The following LYSMD4 variants were observed in gnomAD, a reference collection of about 807,000 sequenced individuals.
LYSMD4 encodes the protein LysM domain containing 4.
In LYSMD4, 9 loss-of-function variants were observed where a neutral mutation model predicts 6.1. The ratio of observed to expected loss-of-function variants is 1.47; its 90% CI spans 0.88 to 2.56. The LOEUF (loss-of-function observed/expected upper bound fraction) is 2.56. LYSMD4 is among the 30% of genes most tolerant of loss of function. The pLI, the probability that LYSMD4 is intolerant of heterozygous loss-of-function variation, is 0.00. For synonymous variants in LYSMD4, 143 were observed against 148.5 expected (o/e 0.96, Z 0.27); for missense variants, 384 against 373.5 (o/e 1.03, Z -0.23).
Position 99,729,360 on chromosome 15 carries a change from C to A in LYSMD4, c.654G>T (p.Trp218Cys), listed in dbSNP as rs745688203. Reference sequence around the variant, plus strand: ...GCAGCATGATGAAAACAGCATTCCACCACTGAATGCCACAATCTGCACCAT... The same window carrying A: ...GCAGCATGATGAAAACAGCATTCCAACACTGAATGCCACAATCTGCACCAT... ...PMDGADCGIQ[W>C]WNAVFIMLLI... The change falls in exon 3 of 3, where the codon TGG becomes TGT. Residue 218 changes from tryptophan (W) to cysteine (C), a missense_variant. By Grantham distance (215) the Trp-to-Cys change is radical. Coordinates refer to ENST00000684762, the MANE Select transcript of LYSMD4 (RefSeq NM_001284417.2). The A allele has an allele frequency of 6.2e-7, 1 of 1,614,248 alleles. No individual in the cohort carries two copies.
downstream of LYSMD4, among the ~76,000 whole-genome samples, chr15:99,722,705 C>T (rs912202433): frequency 2.6e-5 from 4 of 152,084 alleles, no homozygotes; most frequent in Admixed American, 2.6e-4. Flanking sequence ...TAAAAGACTC[C>T]AACAGAACCT....
chr15:99,716,969 G>A (rs912346459), exon 1 of LYSMD4: 26 of 290,600 alleles, frequency 8.9e-5, no homozygotes, highest in Middle Eastern at 1.2e-3. Flanking sequence ...AGACAGATGT[G>A]CTGGCATGAA....
At chr15:99,716,770 C>T (rs749561511) in exon 1 of LYSMD4, 2 of 444,828 alleles carry the variant, frequency 4.5e-6, no homozygotes, top group Non-Finnish European at 9.1e-6. Flanking sequence ...CTGTTGCATG[C>T]ACAGTGCTGT....
intron 1 of LYSMD4, chr15:99,732,968 T>C: frequency 5.6e-6 from 1 of 179,206 alleles, no homozygotes; most frequent in Non-Finnish European, 1.2e-5. Context: ...GGGGCCAGCC[T>C]TCGCGTCCGA....
At chr15:99,720,056 T>A (rs1037836468), upstream of LYSMD4, among the ~76,000 whole-genome samples, 5 of 152,230 alleles carry the variant, frequency 3.3e-5, no homozygotes, top group African/African-American at 1.2e-4. Context: ...GTTACTTTTA[T>A]ATTAGGGATA....
At chr15:99,724,104 C>T (rs1466181006), downstream of LYSMD4, among the ~76,000 whole-genome samples, 1 of 151,020 alleles carries the variant, frequency 6.6e-6, no homozygotes, top group Non-Finnish European at 1.5e-5. Flanking sequence ...AAAGAACCAT[C>T]CACTGCCATA....
At chr15:99,733,146 C>T (rs2059463412) in intron 1 of LYSMD4, 199 bp downstream of exon 1, 1 of 372,016 alleles carries the variant, frequency 2.7e-6, no homozygotes, top group Non-Finnish European at 4.8e-6. Context: ...GAACCTCTGA[C>T]CTCTGACCCC....
chr15:99,726,146 G>GTT (rs10637642), downstream of LYSMD4, among the ~76,000 whole-genome samples: 26,385 of 62,048 alleles, frequency 0.43, 7,575 homozygotes, highest in Non-Finnish European at 0.49. Flanking sequence ...GTCTCAAGTG[G>GTT]TTTTTTTTTT....
chr15:99,725,053 CCTGTCTCTGGAAATAAGCTTGGAAGA>C (rs1342726903), downstream of LYSMD4, among the ~76,000 whole-genome samples: 8 of 152,170 alleles, frequency 5.3e-5, no homozygotes, highest in African/African-American at 1.9e-4. Flanking sequence ...CCAGCCATAA[CCTGTCTCTGGAAATAAGCTTGGAAGA>C]CCTGTCCCAA....
chr15:99,716,825 G>A (rs1405137321), exon 1 of LYSMD4: 1 of 380,408 alleles, frequency 2.6e-6, no homozygotes, highest in African/African-American at 2.1e-5. Context: ...CTTCTCACAG[G>A]AAATACGCCA....
rs1025366325 is a variant in LYSMD4 at position 99,728,234 on chromosome 15, G to A, written c.*889C>T. 1 of 152,314 alleles carries A rather than the reference G, an allele frequency of 6.6e-6. No homozygotes were observed. Among genetic ancestry groups the A allele is most frequent in the Admixed American group, 6.5e-5 (1 of 15,288 alleles). 9.4% of individuals were successfully genotyped at this position (152,314 alleles called of 1,614,324 possible). ...AGGGGGAGCGCCCTGTGTTAGGTGT[G>A]CACAGGGGCTGCGGCTCTCAGCACA... On this transcript the variant is annotated 3_prime_UTR_variant, in exon 3 of 3. Coordinates refer to ENST00000684762, the MANE Select transcript of LYSMD4 (RefSeq NM_001284417.2).
exon 1 of LYSMD4, chr15:99,715,849 G>GT (rs1257540641): frequency 6.6e-6 from 1 of 152,296 alleles, no homozygotes; most frequent in Non-Finnish European, 1.5e-5. Context: ...GTGTACACAG[G>GT]TGGTCCCAAT....
intron 2 of LYSMD4, chr15:99,731,229 A>G (rs1182879903): frequency 3.7e-6 from 6 of 1,611,026 alleles, no homozygotes; most frequent in South Asian, 2.2e-5. Flanking sequence ...AAACAGGGTT[A>G]TATAGATACA....
At chr15:99,733,300 C>T in intron 1 of LYSMD4, 45 bp downstream of exon 1, 1 of 389,512 alleles carries the variant, frequency 2.6e-6, no homozygotes, top group Non-Finnish European at 4.5e-6. Context: ...TGAGCCCGCG[C>T]GGCTCCCTAG....
exon 1 of LYSMD4, chr15:99,716,844 T>TA (rs1325327103): frequency 8.2e-6 from 3 of 364,738 alleles, no homozygotes; most frequent in African/African-American, 6.4e-5. Context: ...CAAAGCCTGT[T>TA]AGAGGGGGTG....
upstream of LYSMD4, among the ~76,000 whole-genome samples, chr15:99,719,944 CAT>C (rs892296925): frequency 7.2e-5 from 11 of 152,052 alleles, no homozygotes; most frequent in African/African-American, 2.7e-4. Context: ...GCATTTTTTT[CAT>C]ATGTTTGAGA....
chr15:99,730,987 CACA>C (rs2059395117), intron 2 of LYSMD4, among the ~76,000 whole-genome samples: 1 of 152,204 alleles, frequency 6.6e-6, no homozygotes, highest in East Asian at 1.9e-4. Flanking sequence ...CAACACCCCA[CACA>C]ACATGTTTCA....
downstream of LYSMD4, among the ~76,000 whole-genome samples, chr15:99,722,762 C>T (rs2141096003): frequency 6.6e-6 from 1 of 152,284 alleles, no homozygotes; most frequent in South Asian, 2.1e-4. Context: ...GGGCCAGGCC[C>T]AACGGCTCAT....
downstream of LYSMD4, among the ~76,000 whole-genome samples, chr15:99,726,898 A>G (rs528572368): frequency 6.3e-4 from 96 of 152,310 alleles, no homozygotes; most frequent in African/African-American, 2.2e-3. Context: ...TCAGTGATCA[A>G]TCATCCCTAG....
Sources: gnomAD v4.1 joint callset for allele counts (sites outside exome capture counted in the v4.1 genomes callset) on GRCh38, gnomAD v4.1.1 for gene constraint, MANE v1.5 for transcripts, NCBI Gene and HGNC (gene_info 2026-07-23, HGNC 2026-07-21) for gene names.